The following CACNA2D3 variants were observed in gnomAD, a reference collection of about 807,000 sequenced individuals.
The protein encoded by CACNA2D3 is voltage-dependent calcium channel subunit alpha-2/delta-3.
A neutral mutation model predicts 160.6 loss-of-function variants in CACNA2D3; 60 were observed. The observed-to-expected ratio is 0.37, with a 90% confidence interval of 0.30 to 0.46. The LOEUF is 0.46. CACNA2D3 is among the 20% of genes least tolerant of loss of function. The pLI, the probability that CACNA2D3 is intolerant of heterozygous loss-of-function variation, is 1.00. For synonymous variants in CACNA2D3, 558 were observed against 492.9 expected (o/e 1.13, Z -1.75); for missense variants, 1,205 against 1,365.0 (o/e 0.88, Z 1.85).
At chr3:54,916,442 C>T (rs1700660108) in intron 27 of CACNA2D3, among the ~76,000 whole-genome samples, 1 of 152,130 alleles carries the variant, frequency 6.6e-6, no homozygotes, top group African/African-American at 2.4e-5. Flanking sequence ...GCTGATGGGT[C>T]AGCAGGCTTT....
At chr3:54,924,770 A>T in intron 27 of CACNA2D3, 1 of 1,614,090 alleles carries the variant, frequency 6.2e-7, no homozygotes, top group Non-Finnish European at 8.5e-7. Flanking sequence ...GTTGAACCGC[A>T]AGTATAGTTA....
chr3:54,375,118 T>C (rs1466335998), intron 3 of CACNA2D3, among the ~76,000 whole-genome samples: 1 of 152,120 alleles, frequency 6.6e-6, no homozygotes, highest in South Asian at 2.1e-4. Context: ...GAAGGCTTCT[T>C]GTACCATACG....
chr3:54,400,921 C>T (rs946598904), intron 4 of CACNA2D3, among the ~76,000 whole-genome samples: 5 of 151,792 alleles, frequency 3.3e-5, no homozygotes, highest in African/African-American at 1.2e-4. Flanking sequence ...TATGAATTTT[C>T]TAAAAAGGAA....
intron 3 of CACNA2D3, among the ~76,000 whole-genome samples, chr3:54,331,746 C>G (rs1378972289): frequency 6.6e-6 from 1 of 152,200 alleles, no homozygotes; most frequent in Non-Finnish European, 1.5e-5. Flanking sequence ...CCAAATGAGA[C>G]TGAGATTTTC....
intron 2 of CACNA2D3, among the ~76,000 whole-genome samples, chr3:54,224,129 A>T (rs1559887525): frequency 1.3e-5 from 2 of 152,178 alleles, no homozygotes; most frequent in Non-Finnish European, 2.9e-5. Context: ...GGTCAGGATC[A>T]TCAGGATCAC....
chr3:54,268,504 G>T (rs1314955604), intron 2 of CACNA2D3, among the ~76,000 whole-genome samples: 2 of 152,118 alleles, frequency 1.3e-5, no homozygotes, highest in African/African-American at 4.8e-5. Flanking sequence ...CTGCCTCCTG[G>T]GTTCAAGCGA....
intron 33 of CACNA2D3, among the ~76,000 whole-genome samples, chr3:55,008,360 A>G (rs1238176121): frequency 2.0e-5 from 3 of 152,228 alleles, no homozygotes; most frequent in South Asian, 2.1e-4. Context: ...TTGAAATGGC[A>G]CAAAGATGAA....
At chr3:54,125,920 A>G (rs1553725929) in intron 2 of CACNA2D3, among the ~76,000 whole-genome samples, 1 of 152,240 alleles carries the variant, frequency 6.6e-6, no homozygotes, top group Non-Finnish European at 1.5e-5. Flanking sequence ...GCACCCTGCC[A>G]TCATATCACT....
intron 9 of CACNA2D3, among the ~76,000 whole-genome samples, chr3:54,583,161 A>G (rs904151079): frequency 6.6e-6 from 1 of 152,224 alleles, no homozygotes; most frequent in African/African-American, 2.4e-5. Flanking sequence ...ATATTGTAAT[A>G]TCCTCCAGAG....
chr3:54,735,825 A>G (rs537291153), intron 11 of CACNA2D3, among the ~76,000 whole-genome samples: 25 of 151,542 alleles, frequency 1.6e-4, no homozygotes, highest in African/African-American at 7.3e-5. Context: ...TACTTTTCTT[A>G]TAGAAAACAG....
chr3:54,235,750 A>G (rs1701860965), intron 2 of CACNA2D3, among the ~76,000 whole-genome samples: 2 of 152,252 alleles, frequency 1.3e-5, no homozygotes, highest in African/African-American at 4.8e-5. Flanking sequence ...AAATACTCAC[A>G]ATATGTATAA....
At chr3:54,622,490 C>T (rs1034800104) in intron 9 of CACNA2D3, among the ~76,000 whole-genome samples, 19 of 151,912 alleles carry the variant, frequency 1.3e-4, no homozygotes, top group African/African-American at 2.2e-4. Flanking sequence ...TTAGCCAGGA[C>T]GGTTGCGATC....
At chr3:54,940,400 C>T (rs1409381288) in intron 27 of CACNA2D3, among the ~76,000 whole-genome samples, 1 of 152,138 alleles carries the variant, frequency 6.6e-6, no homozygotes, top group African/African-American at 2.4e-5. Flanking sequence ...CAGATTACTG[C>T]CTCGGTGCCT....
chr3:54,612,134 G>A (rs558648091), intron 9 of CACNA2D3, among the ~76,000 whole-genome samples: 1 of 152,328 alleles, frequency 6.6e-6, no homozygotes, highest in African/African-American at 2.4e-5. Flanking sequence ...GAGGAAGGAA[G>A]TGAGGAAGAG....
chr3:54,573,860 T>G (rs764593983), intron 8 of CACNA2D3, among the ~76,000 whole-genome samples: 4 of 152,242 alleles, frequency 2.6e-5, no homozygotes, highest in Non-Finnish European at 4.4e-5. Flanking sequence ...CGTTGAATTC[T>G]TATTCTTTTT....
chr3:54,274,094 C>T (rs1702681982), intron 2 of CACNA2D3, among the ~76,000 whole-genome samples: 1 of 152,036 alleles, frequency 6.6e-6, no homozygotes, highest in Non-Finnish European at 1.5e-5. Flanking sequence ...AAATGACCTT[C>T]TCTTATGACT....
chr3:55,074,503 A>G lies in CACNA2D3; in HGVS notation c.*297A>G, dbSNP rs985282157. 3.3e-5 allele frequency: 11 copies of G among 333,016 alleles called. No individual in the cohort carries two copies. The highest frequency in any genetic ancestry group is 1.9e-4 in the South Asian group (4 of 20,754). 20.6% of individuals were successfully genotyped at this position (333,016 alleles called of 1,614,324 possible). ...GCAGTGTCCCTTCTGCTTGAAACCTATTGAAACCAATTTAAAACTGTGTAC... is the reference window on the plus strand; with the variant it reads ...GCAGTGTCCCTTCTGCTTGAAACCTGTTGAAACCAATTTAAAACTGTGTAC... On this transcript the variant is annotated 3_prime_UTR_variant, in exon 38 of 38. Coordinates refer to ENST00000474759, the MANE Select transcript of CACNA2D3 (RefSeq NM_018398.3).
intron 3 of CACNA2D3, among the ~76,000 whole-genome samples, chr3:54,370,098 G>A (rs1698898616): frequency 6.6e-6 from 1 of 152,144 alleles, no homozygotes; most frequent in South Asian, 2.1e-4. Context: ...TAAATAAACA[G>A]TAATAAATTA....
chr3:54,635,811 A>C (rs1097771), intron 10 of CACNA2D3, among the ~76,000 whole-genome samples: 2 of 151,750 alleles, frequency 1.3e-5, no homozygotes, highest in Non-Finnish European at 2.9e-5. Context: ...ACTAATAAAG[A>C]CTCATCTGTT....
Sources: gnomAD v4.1 joint callset for allele counts (sites outside exome capture counted in the v4.1 genomes callset) on GRCh38, gnomAD v4.1.1 for gene constraint, MANE v1.5 for transcripts, NCBI Gene and HGNC (gene_info 2026-07-23, HGNC 2026-07-21) for gene names.